Variants in TEC observed in about 807,000 individuals in gnomAD.
TEC encodes tec protein tyrosine kinase, also known as tyrosine-protein kinase Tec.
A neutral mutation model predicts 93.0 loss-of-function variants in TEC; 72 were observed. That is an observed-to-expected ratio of 0.77 (90% CI 0.64 to 0.94). TEC has a LOEUF of 0.94. Ranked by LOEUF, TEC falls within the 40% of genes least tolerant of loss-of-function variation. TEC has a pLI of 0.00. For missense variants in TEC, 630 were observed against 757.9 expected, an observed-to-expected ratio of 0.83 and a Z score of 1.98; for synonymous variants, 249 against 247.7, an observed-to-expected ratio of 1.01 and a Z score of -0.05.
At chr4:48,157,148 T>C (rs558094689) in intron 8 of TEC, among the ~76,000 whole-genome samples, 1 of 152,354 alleles carries the variant, frequency 6.6e-6, no homozygotes, top group South Asian at 2.1e-4. Flanking sequence ...ACTAGAATCA[T>C]GGCAAGAATG....
intron 8 of TEC, among the ~76,000 whole-genome samples, chr4:48,160,771 A>AAAGAAAGAAAGAAAAGAAAAG (rs1720607278): frequency 6.9e-6 from 1 of 145,110 alleles, no homozygotes; most frequent in African/African-American, 2.5e-5. Flanking sequence ...GAAAAGAAAA[A>AAAGAAAGAAAGAAAAGAAAAG]AAGAAAGAAA....
At chr4:48,222,072 G>C (rs1717485230) in intron 2 of TEC, among the ~76,000 whole-genome samples, 1 of 152,124 alleles carries the variant, frequency 6.6e-6, no homozygotes, top group Non-Finnish European at 1.5e-5. Flanking sequence ...AGAAGATGGG[G>C]ATTGAACTAT....
At chr4:48,191,733 C>T (rs989339926) in intron 2 of TEC, among the ~76,000 whole-genome samples, 27 of 151,702 alleles carry the variant, frequency 1.8e-4, no homozygotes, top group African/African-American at 6.3e-4. Flanking sequence ...ATAACACTTG[C>T]TATGTTGACC....
intron 8 of TEC, among the ~76,000 whole-genome samples, chr4:48,159,925 T>TG (rs1307596479): frequency 6.6e-6 from 1 of 152,300 alleles, no homozygotes; most frequent in East Asian, 1.9e-4. Context: ...CCATTCATCA[T>TG]GAGGGAGATC....
intron 1 of TEC, among the ~76,000 whole-genome samples, chr4:48,243,016 A>C (rs1347558924): frequency 6.6e-6 from 1 of 152,096 alleles, no homozygotes; most frequent in Non-Finnish European, 1.5e-5. Context: ...TGATCTAGAA[A>C]CCCACTTGTT....
chr4:48,145,144 T>C lies in TEC; in HGVS notation c.1405A>G (p.Met469Val). ...GHFSRDVLLS[M>V]CQDVCEGMEY... ...ATCCCTTCACACACATCCTGACACA[T>C]GCTCAGCAGTACGTCTCTACTGAAA... Residue 469 changes from methionine to valine, a missense_variant, in exon 14 of 18, where the codon ATG becomes GTG. Met to Val is a conservative substitution (Grantham distance 21). Around this residue, in one of 3 missense-constraint regions of TEC, gnomAD observed 289 missense variants for 390.0 expected, o/e 0.74. Coordinates refer to ENST00000381501, the MANE Select transcript of TEC (RefSeq NM_003215.3). The C allele has an allele frequency of 1.2e-6, 2 of 1,614,044 alleles. No homozygotes were observed. Among genetic ancestry groups the C allele is most frequent in the Non-Finnish European group, 1.7e-6 (2 of 1,179,958 alleles).
At position 48,213,108 on chromosome 4, in the gene TEC, G is replaced by A. The variant is rs528352577; in HGVS notation, c.138+15369C>T. ...ACCTATCCATGTGACTTTCGTAGTCGCAAATAAAATTAACAGCAATGCCTA... is the reference window on the plus strand; with the variant it reads ...ACCTATCCATGTGACTTTCGTAGTCACAAATAAAATTAACAGCAATGCCTA... On this transcript the variant is annotated intron_variant, in intron 2 of 17. Transcript: ENST00000381501. Among the ~76,000 whole-genome samples the A allele has an allele frequency of 8.6e-4, 131 of 152,198 alleles. 1 individual carries two copies. Among genetic ancestry groups the A allele is most frequent in the South Asian group, 3.9e-3 (19 of 4,820 alleles).
intron 3 of TEC, among the ~76,000 whole-genome samples, chr4:48,173,876 C>A (rs1369061787): frequency 6.6e-6 from 1 of 152,170 alleles, no homozygotes; most frequent in East Asian, 1.9e-4. Flanking sequence ...CCCATCTAGG[C>A]AGCTGGTGTG....
At chr4:48,213,698 T>C (rs1375504317) in intron 2 of TEC, among the ~76,000 whole-genome samples, 1 of 152,260 alleles carries the variant, frequency 6.6e-6, no homozygotes, top group Admixed American at 6.5e-5. Flanking sequence ...TGATTTCTTT[T>C]GACAGTTGAT....
At chr4:48,142,857 T>C (rs1719741218) in intron 14 of TEC, among the ~76,000 whole-genome samples, 1 of 152,070 alleles carries the variant, frequency 6.6e-6, no homozygotes, top group African/African-American at 2.4e-5. Flanking sequence ...ATTTTTTTTG[T>C]ATTTTTAGTA....
At chr4:48,156,436 T>A (rs997951215) in intron 9 of TEC, among the ~76,000 whole-genome samples, 3 of 152,218 alleles carry the variant, frequency 2.0e-5, no homozygotes, top group African/African-American at 2.4e-5. Flanking sequence ...GGTGTGGGGA[T>A]AACTGTCCTG....
intron 1 of TEC, among the ~76,000 whole-genome samples, chr4:48,261,028 C>A (rs1349615859): frequency 1.3e-5 from 2 of 152,252 alleles, no homozygotes; most frequent in East Asian, 1.9e-4. Context: ...AAGGAGCACA[C>A]CAGGTGTCTG....
intron 9 of TEC, among the ~76,000 whole-genome samples, chr4:48,152,845 A>C (rs1202418386): frequency 1.3e-5 from 2 of 152,210 alleles, no homozygotes; most frequent in African/African-American, 2.4e-5. Context: ...AAAAACAAGC[A>C]CTCAACAAAA....
At chr4:48,205,147 T>A (rs138386975) in intron 2 of TEC, among the ~76,000 whole-genome samples, 118 of 152,334 alleles carry the variant, frequency 7.7e-4, no homozygotes, top group Non-Finnish European at 1.5e-3. Flanking sequence ...GTGGTCAAGA[T>A]TAAATAAGTT....
chr4:48,248,470 G>T (rs1724116992), intron 1 of TEC, among the ~76,000 whole-genome samples: 1 of 152,142 alleles, frequency 6.6e-6, no homozygotes, highest in Admixed American at 6.5e-5. Flanking sequence ...ATTTGCTCTT[G>T]TTTCACTGGC....
At chr4:48,163,599 A>G in intron 8 of TEC, 103 bp downstream of exon 8, 1 of 748,808 alleles carries the variant, frequency 1.3e-6, no homozygotes, top group Non-Finnish European at 2.1e-6. Context: ...CACCCCCTTC[A>G]AAGAATCATG....
rs1720063471 is a variant in TEC, at chr4:48,149,416, C to A, written c.1006+141G>T. On this transcript the variant is annotated intron_variant, in intron 11 of 17. Coordinates refer to ENST00000381501, the MANE Select transcript of TEC (RefSeq NM_003215.3). Reference sequence around the variant, plus strand: ...TAAATTTTCTTTGTATATATCATTCCTTTAATATGCAGTAATTTAAAATCA... The same window carrying A: ...TAAATTTTCTTTGTATATATCATTCATTTAATATGCAGTAATTTAAAATCA... The A allele has an allele frequency of 6.0e-6, 5 of 828,324 alleles. 1 individual carries two copies. In the Admixed American group the frequency reaches 1.8e-4, roughly 30 times the overall value. 51.3% of individuals were successfully genotyped at this position (828,324 alleles called of 1,614,324 possible).
chr4:48,167,680 T>C (rs1274447102), intron 7 of TEC, 98 bp downstream of exon 7: 2 of 1,111,130 alleles, frequency 1.8e-6, no homozygotes, highest in East Asian at 2.4e-5. Flanking sequence ...CTGGTGAAAT[T>C]AGTCTCATTA....
At chr4:48,137,604 G>T in intron 17 of TEC, 105 bp from the exon 18 acceptor site, 2 of 915,246 alleles carry the variant, frequency 2.2e-6, no homozygotes, top group Non-Finnish European at 1.7e-6. Flanking sequence ...AGACTTCACT[G>T]CTTTGGGACT....
Sources: allele counts gnomAD v4.1 joint callset (sites outside exome capture counted in the v4.1 genomes callset), GRCh38; gene constraint gnomAD v4.1.1; regional missense constraint gnomAD v4.1.1; transcripts MANE v1.5; gene names NCBI Gene and HGNC (gene_info 2026-07-23, HGNC 2026-07-21).